The following ERICH1 variants were observed in gnomAD, a reference collection of about 807,000 sequenced individuals.
ERICH1 encodes glutamate-rich protein 1.
A neutral mutation model predicts 39.6 loss-of-function variants in ERICH1; 56 were observed. The ratio of observed to expected loss-of-function variants is 1.41; its 90% confidence interval spans 1.14 to 1.77. ERICH1 has a LOEUF of 1.77. Among genes scored for constraint, ERICH1 ranks in the 40% most tolerant of loss-of-function variants. The probability of loss-of-function intolerance (pLI) is 0.00; values close to 1 mark genes in which losing one functional copy is unlikely to be tolerated. For missense variants in ERICH1, 826 were observed against 575.4 expected (o/e 1.44, Z -4.45); for synonymous variants, 313 against 223.6 (o/e 1.40, Z -3.57).
chr8:657,034 T>C (rs1275336611), intron 3 of ERICH1, among the ~76,000 whole-genome samples: 1 of 152,266 alleles, frequency 6.6e-6, no homozygotes, highest in Non-Finnish European at 1.5e-5. Context: ...AGTAAGTTAA[T>C]AGCTTTCTCA....
intron 5 of ERICH1, chr8:666,159 T>G (rs1021480229): frequency 1.3e-5 from 2 of 152,236 alleles, no homozygotes; most frequent in African/African-American, 4.8e-5. Context: ...AAAACCTGTC[T>G]GATGATTTTA....
chr8:687,079 A>C (rs1222635163), intron 3 of ERICH1, among the ~76,000 whole-genome samples: 1 of 152,248 alleles, frequency 6.6e-6, no homozygotes, highest in Non-Finnish European at 1.5e-5. Context: ...CGGATGTTTA[A>C]CTCAAACGGA....
At chr8:703,962 G>A (rs1812720039) in intron 2 of ERICH1, among the ~76,000 whole-genome samples, 1 of 152,166 alleles carries the variant, frequency 6.6e-6, no homozygotes, top group South Asian at 2.1e-4. Context: ...GCATCAGGCT[G>A]CACCCACATG....
At chr8:648,697 C>T (rs1703945) in intron 3 of ERICH1, among the ~76,000 whole-genome samples, 44,363 of 66,642 alleles carry the variant, frequency 0.67, 20,864 homozygotes, top group East Asian at 0.85. Context: ...TGCAGAAGAG[C>T]AAATCATGCT....
intron 2 of ERICH1, among the ~76,000 whole-genome samples, chr8:713,570 G>A (rs1266261604): frequency 6.6e-6 from 1 of 152,134 alleles, no homozygotes; most frequent in Non-Finnish European, 1.5e-5. Flanking sequence ...AACGGTGTCT[G>A]TGGCACTCAT....
intron 3 of ERICH1, among the ~76,000 whole-genome samples, chr8:674,573 G>A (rs1189432848): frequency 6.6e-6 from 1 of 152,078 alleles, no homozygotes; most frequent in African/African-American, 2.4e-5. Flanking sequence ...CAAAGTGCTG[G>A]GATTTCAGGA....
intron 3 of ERICH1, among the ~76,000 whole-genome samples, chr8:629,895 CCA>C (rs1470774621): frequency 1.5e-5 from 2 of 134,942 alleles, no homozygotes; most frequent in Admixed American, 7.3e-5. Context: ...CTGTGAGCAC[CCA>C]CACAGACAGA....
Position 673,804 on chromosome 8 carries a change from G to A in ERICH1, c.548C>T (p.Ala183Val), listed in dbSNP as rs1370646347. The A allele has an allele frequency of 6.2e-7, 1 of 1,614,184 alleles. No individual in the cohort carries two copies. Among genetic ancestry groups the A allele is most frequent in the South Asian group, 1.1e-5 (1 of 91,088 alleles). Residue 183 changes from alanine (A) to valine (V), a missense_variant, in exon 4 of 6, where the codon GCT (alanine) becomes GTT (valine). By Grantham distance (64) the Ala-to-Val change is moderately conservative. Transcript: ENST00000262109. Reference sequence around the variant, plus strand: ...CTGGTACATGAAACTGACACCAGCAGCCTTTGCTGCCAAGCCGGCTGCTTT... The same window carrying A: ...CTGGTACATGAAACTGACACCAGCAACCTTTGCTGCCAAGCCGGCTGCTTT... ...RKKAAGLAAK[A>V]AGVSFMYQPE... is the part of the protein sequence containing the mutation.
intron 3 of ERICH1, among the ~76,000 whole-genome samples, chr8:638,286 A>G (rs767755332): frequency 6.6e-6 from 1 of 152,112 alleles, no homozygotes; most frequent in Non-Finnish European, 1.5e-5. Flanking sequence ...GCTAGTTCCA[A>G]CATTCCTGGG....
chr8:632,951 G>A (rs1020831776), intron 3 of ERICH1, among the ~76,000 whole-genome samples: 1 of 152,246 alleles, frequency 6.6e-6, no homozygotes, highest in Non-Finnish European at 1.5e-5. Flanking sequence ...GAGCCGTTTA[G>A]GCAAAACCAT....
At chr8:655,910 T>C (rs1254852457) in intron 3 of ERICH1, among the ~76,000 whole-genome samples, 1 of 152,102 alleles carries the variant, frequency 6.6e-6, no homozygotes, top group Non-Finnish European at 1.5e-5. Flanking sequence ...AGACCGCCCA[T>C]CCACTATGCT....
rs952198546 is a variant in ERICH1, at chr8:644,681, T to G, written c.976+23917A>C. 1.0e-4 allele frequency among the ~76,000 whole-genome samples: 7 copies of G among 68,412 alleles called. 1 individual carries two copies. The highest frequency in any genetic ancestry group is 2.6e-4 in the African/African-American group (7 of 27,128). 44.9% of individuals were successfully genotyped at this position (68,412 alleles called of 152,430 possible). On this transcript the variant is annotated intron_variant, in intron 3 of 3. Transcript: ENST00000522706. ...TTCAGGGCGCAGCTGCGTCTCTCCC[T>G]CCCTGCCCCAGTGTTGGTCTTAGGA... is the stretch of plus-strand genomic sequence containing the variant.
At chr8:623,502 A>T (rs1797413198) in intron 3 of ERICH1, among the ~76,000 whole-genome samples, 1 of 152,208 alleles carries the variant, frequency 6.6e-6, no homozygotes, top group African/African-American at 2.4e-5. Flanking sequence ...TGTTTTTTCC[A>T]GGTTTATTGA....
In ERICH1 at chr8:673,930, C is replaced by A. The variant is rs773823039; in HGVS notation, c.422G>T (p.Ser141Ile). ...TCGCTGAGATTTCTCCTGTAACAGA[C>A]TCTGCTGTTTCTCTAATTCTGCTTG... ...IEQAELEKQQ[S>I]LLQEKSQRQH... is the part of the protein sequence containing the mutation. The change falls in exon 4 of 6, where the codon AGT becomes ATT. Residue 141 changes from serine to isoleucine, a missense_variant. Coordinates refer to ENST00000262109, the MANE Select transcript of ERICH1 (RefSeq NM_207332.3). 1 of 1,612,960 alleles carries A rather than the reference C, an allele frequency of 6.2e-7. No homozygotes were observed. Among genetic ancestry groups the A allele is most frequent in the Non-Finnish European group, 8.5e-7 (1 of 1,179,938 alleles).
chr8:634,990 G>A (rs1329500110), intron 3 of ERICH1, among the ~76,000 whole-genome samples: 1 of 152,062 alleles, frequency 6.6e-6, no homozygotes, highest in Non-Finnish European at 1.5e-5. Context: ...GGTGGCCGTC[G>A]GAGTTCCCTC....
chr8:650,962 T>C (rs1394923628), intron 3 of ERICH1, among the ~76,000 whole-genome samples: 2 of 152,180 alleles, frequency 1.3e-5, no homozygotes, highest in Non-Finnish European at 2.9e-5. Context: ...AGTTTACAAA[T>C]GACAGCAGAT....
At chr8:674,644 C>T (rs533569717) in intron 3 of ERICH1, among the ~76,000 whole-genome samples, 1 of 152,106 alleles carries the variant, frequency 6.6e-6, no homozygotes, top group African/African-American at 2.4e-5. Flanking sequence ...TTCTATGGGC[C>T]TTTCCCTCTA....
intron 2 of ERICH1, among the ~76,000 whole-genome samples, chr8:700,345 A>ACACGCGCACAGG (rs1811715516): frequency 2.5e-4 from 4 of 15,726 alleles, no homozygotes; most frequent in Non-Finnish European, 8.2e-4. Flanking sequence ...ACGCGCACAG[A>ACACGCGCACAGG]TCCGCACACG....
intron 5 of ERICH1, among the ~76,000 whole-genome samples, chr8:665,268 TC>T (rs1171550069): frequency 6.6e-6 from 1 of 152,006 alleles, no homozygotes; most frequent in Non-Finnish European, 1.5e-5. Flanking sequence ...GGTCCCCGGC[TC>T]CGACCTCTGA....
Sources: allele counts gnomAD v4.1 joint callset (sites outside exome capture counted in the v4.1 genomes callset), GRCh38; gene constraint gnomAD v4.1.1; transcripts MANE v1.5; gene names NCBI Gene and HGNC (gene_info 2026-07-23, HGNC 2026-07-21).